Variants in LOC122539214 observed in about 807,000 individuals in gnomAD.
the LOC122539214 span, among the ~76,000 whole-genome samples, chr19:52,687,588 A>AAT: frequency 3.9e-4 from 17 of 43,984 alleles, no homozygotes; most frequent in African/African-American, 4.0e-3. Flanking sequence ...TTATATATAT[A>AAT]TATATATAAT....
chr19:52,687,389 AT>A, the LOC122539214 span, among the ~76,000 whole-genome samples: 159 of 44,344 alleles, frequency 3.6e-3, 61 homozygotes, highest in African/African-American at 0.039. Flanking sequence ...ATTTATATAT[AT>A]ATAATTTATA....
At chr19:52,662,666 C>T in the LOC122539214 span, among the ~76,000 whole-genome samples, 1 of 152,108 alleles carries the variant, frequency 6.6e-6, no homozygotes, top group African/African-American at 2.4e-5. Flanking sequence ...CCAATCATTT[C>T]AGGGGTCAGT....
At chr19:52,657,407 G>A in the LOC122539214 span, among the ~76,000 whole-genome samples, 4 of 151,906 alleles carry the variant, frequency 2.6e-5, no homozygotes, top group African/African-American at 7.3e-5. Flanking sequence ...TCAGCAGTTC[G>A]GAGACCAGCC....
the LOC122539214 span, chr19:52,652,214 G>A: frequency 9.7e-5 from 21 of 216,648 alleles, no homozygotes; most frequent in South Asian, 1.3e-4. Context: ...CGAGGCAGGC[G>A]GATCACAAGA....
the LOC122539214 span, among the ~76,000 whole-genome samples, chr19:52,680,160 C>T: frequency 6.6e-6 from 1 of 152,158 alleles, no homozygotes; most frequent in African/African-American, 2.4e-5. Context: ...CCCTGGACAA[C>T]AAGAGGGAAA....
chr19:52,651,529 G>A, the LOC122539214 span: 1 of 152,250 alleles, frequency 6.6e-6, no homozygotes, highest in Admixed American at 6.6e-5. Context: ...TCTCTGTGGA[G>A]AGGGACTATG....
the LOC122539214 span, among the ~76,000 whole-genome samples, chr19:52,684,153 G>C: frequency 6.6e-6 from 1 of 152,092 alleles, no homozygotes; most frequent in Non-Finnish European, 1.5e-5. Context: ...TGGATCACTT[G>C]AGGTCAGGAG....
At chr19:52,676,129 C>T in the LOC122539214 span, among the ~76,000 whole-genome samples, 11 of 152,304 alleles carry the variant, frequency 7.2e-5, no homozygotes, top group East Asian at 3.9e-4. Flanking sequence ...TGCAGGCGCG[C>T]GCCGCCACGC....
chr19:52,653,005 T>C, the LOC122539214 span: 48 of 1,397,314 alleles, frequency 3.4e-5, no homozygotes, highest in Admixed American at 7.8e-4. Flanking sequence ...ATGAACTCTC[T>C]GATGTTGTGC....
At chr19:52,655,641 T>C in the LOC122539214 span, 3 of 1,411,494 alleles carry the variant, frequency 2.1e-6, no homozygotes, top group Non-Finnish European at 3.0e-6. Flanking sequence ...GCATTTCCAC[T>C]CCTCCAAAGA....
the LOC122539214 span, chr19:52,653,931 G>A: frequency 8.7e-5 from 95 of 1,087,744 alleles, no homozygotes; most frequent in Non-Finnish European, 1.3e-4. Context: ...GTTCTTCCTG[G>A]ATTTGTGTCA....
chr19:52,666,900 CT>C, the LOC122539214 span, among the ~76,000 whole-genome samples: 1 of 152,138 alleles, frequency 6.6e-6, no homozygotes, highest in East Asian at 1.9e-4. Flanking sequence ...TAAAGAAACT[CT>C]TGCAGAAGCA....
the LOC122539214 span, among the ~76,000 whole-genome samples, chr19:52,676,719 A>G: frequency 7.2e-6 from 1 of 138,166 alleles, no homozygotes; most frequent in Non-Finnish European, 1.6e-5. Context: ...GAGAAATCGG[A>G]TGGTTGCCGT....
At chr19:52,658,249 C>T in the LOC122539214 span, among the ~76,000 whole-genome samples, 1 of 152,050 alleles carries the variant, frequency 6.6e-6, no homozygotes, top group Admixed American at 6.6e-5. Flanking sequence ...CCATCCTACA[C>T]ATTATGAAAG....
At chr19:52,671,307 A>C in the LOC122539214 span, among the ~76,000 whole-genome samples, 1 of 152,214 alleles carries the variant, frequency 6.6e-6, no homozygotes, top group African/African-American at 2.4e-5. Context: ...CTTCCCTGCA[A>C]TATAACTACT....
At chr19:52,680,614 T>A in the LOC122539214 span, among the ~76,000 whole-genome samples, 2 of 140,278 alleles carry the variant, frequency 1.4e-5, no homozygotes, top group Non-Finnish European at 3.1e-5. Context: ...ATATTTTTTT[T>A]TTTTTTTTTT....
the LOC122539214 span, among the ~76,000 whole-genome samples, chr19:52,680,614 T>C: frequency 2.1e-5 from 3 of 140,278 alleles, no homozygotes; most frequent in South Asian, 2.4e-4. Flanking sequence ...ATATTTTTTT[T>C]TTTTTTTTTT....
the LOC122539214 span, among the ~76,000 whole-genome samples, chr19:52,664,681 G>T: frequency 0.11 from 15,989 of 148,578 alleles, 942 homozygotes; most frequent in African/African-American, 0.15. Flanking sequence ...GCAAGGCCAG[G>T]AAGGGATGCA....
the LOC122539214 span, chr19:52,690,458 G>A: frequency 5.3e-6 from 1 of 188,994 alleles, no homozygotes; most frequent in Admixed American, 5.6e-5. Context: ...CGGTGTGACC[G>A]TCACTCCACG....
Sources: gnomAD v4.1 joint callset for allele counts (sites outside exome capture counted in the v4.1 genomes callset) on GRCh38, gnomAD v4.1.1 for gene constraint, MANE v1.5 for transcripts.